Variants in RASSF8 observed in about 807,000 individuals in gnomAD.
The protein encoded by RASSF8 is Ras association domain family member 8, also known as ras association domain-containing protein 8.
RASSF8 carries 22 observed loss-of-function variants against 48.5 expected under a neutral mutation model. That is an observed-to-expected ratio of 0.45 (90% CI 0.32 to 0.65). The LOEUF (loss-of-function observed/expected upper bound fraction) is 0.65, where lower values mean the gene tolerates loss of function less well. Among genes scored for constraint, RASSF8 ranks in the 30% least tolerant of loss-of-function variants. The pLI is 0.03. For synonymous variants in RASSF8, 127 were observed against 171.5 expected (o/e 0.74, Z 2.03); for missense variants, 418 against 489.2 (o/e 0.85, Z 1.37).
chr12:26,043,070 G>A (rs1035820998), intron 2 of RASSF8, among the ~76,000 whole-genome samples: 1 of 152,086 alleles, frequency 6.6e-6, no homozygotes, highest in African/African-American at 2.4e-5. Flanking sequence ...AACACACATG[G>A]TTCACCCATT....
chr12:25,992,730 A>G (rs1318218887), intron 1 of RASSF8, among the ~76,000 whole-genome samples: 2 of 152,232 alleles, frequency 1.3e-5, no homozygotes, highest in East Asian at 3.9e-4. Context: ...ACGGGAAGGG[A>G]TGTGAAGGGG....
chr12:25,966,287 C>T (rs1337229447), intron 1 of RASSF8, among the ~76,000 whole-genome samples: 2 of 152,108 alleles, frequency 1.3e-5, no homozygotes, highest in Admixed American at 1.3e-4. Flanking sequence ...GGGTCTTGCT[C>T]TGTTGCCGAG....
intron 2 of RASSF8, among the ~76,000 whole-genome samples, chr12:26,026,467 G>A (rs932932341): frequency 6.6e-5 from 10 of 152,072 alleles, no homozygotes; most frequent in African/African-American, 1.4e-4. Context: ...ATGGAGTCTC[G>A]CTTTGTTGCT....
At position 25,968,671 on chromosome 12, in the gene RASSF8, T is replaced by C. The variant is rs115185414; in HGVS notation, c.-203+9523T>C. ...TTTGTTCATCCTTTTAGTTGTTCAT[T>C]CAAAGCCAAACTGCATGCCCCTCCA... On this transcript the variant is annotated intron_variant, in intron 1 of 5. Transcript: ENST00000689635. Among the ~76,000 whole-genome samples, 654 of 152,292 alleles carry C rather than the reference T, an allele frequency of 4.3e-3. 8 individuals are homozygous for C. Among genetic ancestry groups the C allele is most frequent in the African/African-American group, 0.015 (625 of 41,540 alleles).
intron 1 of RASSF8, among the ~76,000 whole-genome samples, chr12:25,974,651 AG>A (rs1941563611): frequency 6.6e-6 from 1 of 152,212 alleles, no homozygotes; most frequent in Non-Finnish European, 1.5e-5. Context: ...TAACTATTTT[AG>A]ATTTTTCAAA....
intron 2 of RASSF8, chr12:26,021,657 G>A (rs1335812166): frequency 6.6e-6 from 1 of 152,220 alleles, no homozygotes; most frequent in African/African-American, 2.4e-5. Flanking sequence ...GTAAGGTGCA[G>A]GTCTGTGCAG....
At chr12:25,986,346 G>A (rs1009946357) in intron 1 of RASSF8, among the ~76,000 whole-genome samples, 18 of 152,216 alleles carry the variant, frequency 1.2e-4, no homozygotes, top group Admixed American at 8.5e-4. Context: ...GGAAACTGAA[G>A]CTCAGGGAGG....
chr12:26,069,888 C>A lies in RASSF8; in HGVS notation c.*1070C>A, dbSNP rs1414169247. On this transcript the variant is annotated 3_prime_UTR_variant, in exon 6 of 6. Coordinates refer to ENST00000689635, the MANE Select transcript of RASSF8 (RefSeq NM_001394098.1). ...ATGGAAAGGAGGTTAAACCTAGGTA[C>A]TTTTTAGCAAGGATATAAAGTCAAA... 1 of 982,944 alleles carries A rather than the reference C, an allele frequency of 1.0e-6. No homozygotes were observed. Among genetic ancestry groups the A allele is most frequent in the Admixed American group, 6.2e-5 (1 of 16,256 alleles). 60.9% of individuals were successfully genotyped at this position (982,944 alleles called of 1,614,324 possible).
At chr12:26,051,454 A>G (rs1349541778) in intron 2 of RASSF8, among the ~76,000 whole-genome samples, 1 of 152,182 alleles carries the variant, frequency 6.6e-6, no homozygotes, top group Non-Finnish European at 1.5e-5. Flanking sequence ...CCATCAATAC[A>G]TAACCTTGCT....
chr12:26,078,219 GC>G (rs1944087844), intron 5 of RASSF8, among the ~76,000 whole-genome samples: 1 of 152,136 alleles, frequency 6.6e-6, no homozygotes, highest in Non-Finnish European at 1.5e-5. Flanking sequence ...GAACAAAGAA[GC>G]AAAAAATTAG....
At chr12:26,045,515 C>G (rs1943354053) in intron 2 of RASSF8, among the ~76,000 whole-genome samples, 1 of 152,178 alleles carries the variant, frequency 6.6e-6, no homozygotes, top group Non-Finnish European at 1.5e-5. Flanking sequence ...ACCAACTTAG[C>G]TTTAAAAATG....
rs1046380048 is a variant in RASSF8 at position 26,071,098 on chromosome 12, T to C, written c.*2280T>C. 2 of 975,318 alleles carry C rather than the reference T, an allele frequency of 2.1e-6. No individual in the cohort carries two copies. The highest frequency in any genetic ancestry group is 1.2e-4 in the Admixed American group (2 of 16,248). 60.4% of individuals were successfully genotyped at this position (975,318 alleles called of 1,614,324 possible). ...CGACGAAAGTATAGAAATGTGAATA[T>C]GTTGAATACATTGAGAAGCTGTACT... is the stretch of plus-strand genomic sequence containing the variant. On this transcript the variant is annotated 3_prime_UTR_variant, in exon 6 of 6. Transcript: ENST00000689635.
intron 2 of RASSF8, among the ~76,000 whole-genome samples, chr12:26,047,024 G>C (rs1943386424): frequency 6.6e-6 from 1 of 152,204 alleles, no homozygotes; most frequent in Non-Finnish European, 1.5e-5. Context: ...CTTTGAGAGT[G>C]TGGTCTCTAA....
In RASSF8 at chr12:26,064,770, A is replaced by C. The variant is rs1382016866; in HGVS notation, c.376A>C (p.Lys126Gln). The change falls in exon 4 of 6, where the codon AAA becomes CAA. Residue 126 changes from lysine to glutamine, a missense_variant. Physicochemically the swap from Lys to Gln is moderately conservative, Grantham distance 53. Transcript: ENST00000689635. ...IDKSIKRREP[K>Q]RKSLTFTGGA... ...CAAATCAATCAAAAGGAGGGAACCGAAAAGGAAATCACTGACATTTACAGG... is the reference window on the plus strand; with the variant it reads ...CAAATCAATCAAAAGGAGGGAACCGCAAAGGAAATCACTGACATTTACAGG... 4 of 1,614,114 alleles carry C rather than the reference A, an allele frequency of 2.5e-6. No homozygotes were observed. The highest frequency in any genetic ancestry group is 3.4e-6 in the Non-Finnish European group (4 of 1,180,040).
chr12:26,074,279 GACAT>G (rs1425667180), downstream of RASSF8, among the ~76,000 whole-genome samples: 4 of 152,156 alleles, frequency 2.6e-5, no homozygotes, highest in Non-Finnish European at 5.9e-5. Flanking sequence ...ACTTTCTACA[GACAT>G]TTAGTGAGCC....
intron 2 of RASSF8, among the ~76,000 whole-genome samples, chr12:26,033,436 A>G (rs759324038): frequency 1.3e-5 from 2 of 152,152 alleles, no homozygotes; most frequent in Non-Finnish European, 2.9e-5. Flanking sequence ...TTTTTCCACT[A>G]TATTTGTGTT....
At chr12:26,013,042 A>G (rs931611180) in intron 2 of RASSF8, among the ~76,000 whole-genome samples, 6 of 152,132 alleles carry the variant, frequency 3.9e-5, no homozygotes, top group African/African-American at 1.4e-4. Flanking sequence ...ATTCAAATTT[A>G]TAGAATCAAA....
At position 26,065,265 on chromosome 12, in the gene RASSF8, G is replaced by A. The variant is rs781709277; in HGVS notation, c.871G>A (p.Val291Ile). 19 of 1,614,144 alleles carry A rather than the reference G, an allele frequency of 1.2e-5. No individual in the cohort carries two copies. Among genetic ancestry groups the A allele is most frequent in the Non-Finnish European group, 1.4e-5 (17 of 1,180,006 alleles). ...VQEAQVNEEEVKGKIGKVKGE... is the reference protein window; with the variant it reads ...VQEAQVNEEEIKGKIGKVKGE... ...AGAGGCACAGGTCAATGAGGAAGAG[G>A]TTAAAGGAAAGATCGGTAAGGTCAA... The change falls in exon 4 of 6, where the codon GTT (valine) becomes ATT (isoleucine). Residue 291 changes from valine to isoleucine, a missense_variant. Transcript: ENST00000689635.
At chr12:25,999,281 T>C (rs1198043378) in intron 2 of RASSF8, among the ~76,000 whole-genome samples, 2 of 152,208 alleles carry the variant, frequency 1.3e-5, no homozygotes, top group Non-Finnish European at 2.9e-5. Context: ...CACCAAACCA[T>C]GCTCTGTGAT....
Sources: allele counts gnomAD v4.1 joint callset (sites outside exome capture counted in the v4.1 genomes callset), GRCh38; gene constraint gnomAD v4.1.1; transcripts MANE v1.5; gene names NCBI Gene and HGNC (gene_info 2026-07-23, HGNC 2026-07-21).